ASTN2: variants seen among roughly 807,000 people sequenced by gnomAD.
ASTN2 encodes the protein astrotactin 2.
A neutral mutation model predicts 139.8 loss-of-function variants in ASTN2; 54 were observed. The ratio of observed to expected loss-of-function variants is 0.39; its 90% CI spans 0.31 to 0.48. The LOEUF (loss-of-function observed/expected upper bound fraction) is 0.48. Ranked by LOEUF, ASTN2 falls within the 20% of genes least tolerant of loss-of-function variation. The pLI is 0.95. For missense variants in ASTN2, 1,565 were observed against 1,725.1 expected, an observed-to-expected ratio of 0.91 and a Z score of 1.64; for synonymous variants, 756 against 719.5, an observed-to-expected ratio of 1.05 and a Z score of -0.81.
At chr9:116,713,698 G>T (rs1329897966) in intron 16 of ASTN2, among the ~76,000 whole-genome samples, 2 of 152,112 alleles carry the variant, frequency 1.3e-5, no homozygotes, top group African/African-American at 4.8e-5. Context: ...GAAAGAGAAG[G>T]CATGAGAGAA....
At chr9:117,035,168 T>G (rs1838350864) in intron 6 of ASTN2, among the ~76,000 whole-genome samples, 1 of 152,126 alleles carries the variant, frequency 6.6e-6, no homozygotes, top group African/African-American at 2.4e-5. Context: ...AAAGCTGCTC[T>G]GGCTTTGGTC....
intron 19 of ASTN2, among the ~76,000 whole-genome samples, chr9:116,556,373 A>G (rs1419411688): frequency 1.3e-5 from 2 of 152,164 alleles, no homozygotes; most frequent in Non-Finnish European, 2.9e-5. Context: ...ATGGTAGCTC[A>G]TCCCAGCCCT....
At chr9:117,178,859 G>A (rs150667141) in intron 3 of ASTN2, among the ~76,000 whole-genome samples, 1 of 152,206 alleles carries the variant, frequency 6.6e-6, no homozygotes, top group Non-Finnish European at 1.5e-5. Context: ...TGCAGCCAGG[G>A]TGTTCCTGGG....
chr9:116,928,060 C>CT (rs149905866), intron 10 of ASTN2, among the ~76,000 whole-genome samples: 3,099 of 152,302 alleles, frequency 0.02, 124 homozygotes, highest in African/African-American at 0.071. Flanking sequence ...CTTGACTCAG[C>CT]TTCCCTCCCT....
At chr9:116,605,659 G>A (rs7029083) in intron 19 of ASTN2, among the ~76,000 whole-genome samples, 66,723 of 151,748 alleles carry the variant, frequency 0.44, 15,469 homozygotes, top group East Asian at 0.7. Context: ...AGACAAAGAA[G>A]TGGGAAGCCT....
rs1289327123 is a variant in ASTN2 at position 116,827,311 on chromosome 9, C to G, written c.2041-6528G>C. On this transcript the variant is annotated intron_variant, in intron 11 of 22. Coordinates refer to ENST00000313400, the MANE Select transcript of ASTN2 (RefSeq NM_001365068.1). ...GCAACAAGAGCAAAACTCCATCCCC[C>G]CCAAAAAAAAAAAAAAAAAAAAGAA... Among the ~76,000 whole-genome samples the G allele has an allele frequency of 6.0e-5, 5 of 82,942 alleles. No individual in the cohort carries two copies. In the South Asian group the frequency reaches 1.4e-3, roughly 23 times the overall value. The allele number at this position is 82,942 out of a possible 152,430, so 54.4% of individuals were successfully genotyped here.
At chr9:117,288,400 G>C (rs1015276048) in intron 2 of ASTN2, among the ~76,000 whole-genome samples, 1 of 152,146 alleles carries the variant, frequency 6.6e-6, no homozygotes, top group Non-Finnish European at 1.5e-5. Flanking sequence ...GGAGTGCATA[G>C]ACCCTAGCCT....
At chr9:117,396,134 C>G (rs1377503078) in intron 1 of ASTN2, among the ~76,000 whole-genome samples, 1 of 152,192 alleles carries the variant, frequency 6.6e-6, no homozygotes, top group Non-Finnish European at 1.5e-5. Context: ...TCAGGAGTTC[C>G]TGGCTCATCT....
chr9:117,026,492 G>A (rs569589780), intron 6 of ASTN2, among the ~76,000 whole-genome samples: 3 of 152,198 alleles, frequency 2.0e-5, no homozygotes, highest in East Asian at 3.9e-4. Flanking sequence ...ATCCCAGGTG[G>A]CAGATGCCAC....
At chr9:117,111,745 A>C (rs138993170) in intron 4 of ASTN2, among the ~76,000 whole-genome samples, 202 of 152,274 alleles carry the variant, frequency 1.3e-3, no homozygotes, top group African/African-American at 4.4e-3. Context: ...AAAGAGTTGC[A>C]CATCATAGTC....
At position 117,324,321 on chromosome 9, in the gene ASTN2, C is replaced by T. The variant is rs117546145; in HGVS notation, c.443-32808G>A. Among the ~76,000 whole-genome samples, 770 of 152,236 alleles carry T rather than the reference C, an allele frequency of 5.1e-3. 4 individuals carry two copies. The highest frequency in any genetic ancestry group is 0.02 in the South Asian group (94 of 4,820). ...TTCTCACACTGCTATAAAGATATTACGTGAGACTGGGTAATTTGTAGACAA... is the reference window on the plus strand; with the variant it reads ...TTCTCACACTGCTATAAAGATATTATGTGAGACTGGGTAATTTGTAGACAA... On this transcript the variant is annotated intron_variant, in intron 1 of 22. Coordinates refer to ENST00000313400, the MANE Select transcript of ASTN2 (RefSeq NM_001365068.1).
chr9:116,525,339 G>A (rs1851045812), intron 19 of ASTN2, among the ~76,000 whole-genome samples: 1 of 152,206 alleles, frequency 6.6e-6, no homozygotes, highest in Non-Finnish European at 1.5e-5. Context: ...ATGTGCTGTA[G>A]ATCATGCTCC....
At chr9:117,311,230 AAAAAAAAAAAAAAAAAGCTACTTTACGAG>A (rs964877437) in intron 1 of ASTN2, among the ~76,000 whole-genome samples, 12 of 698 alleles carry the variant, frequency 0.017, no homozygotes, top group African/African-American at 0.11. Flanking sequence ...AGGCTTACAG[AAAAAAAAAAAAAAAAAGCTACTTTACGAG>A]AAGACATGAG....
At chr9:116,493,368 T>C (rs1027956394) in intron 19 of ASTN2, among the ~76,000 whole-genome samples, 1 of 152,198 alleles carries the variant, frequency 6.6e-6, no homozygotes, top group Non-Finnish European at 1.5e-5. Flanking sequence ...TGAAAACAGA[T>C]AGGGAGTTGG....
At chr9:117,019,135 C>T (rs551050669) in intron 6 of ASTN2, among the ~76,000 whole-genome samples, 1 of 151,730 alleles carries the variant, frequency 6.6e-6, no homozygotes, top group Non-Finnish European at 1.5e-5. Context: ...CTGAGCTTCT[C>T]ATGGTGGTAG....
chr9:116,812,072 T>C (rs1831181686), intron 12 of ASTN2, among the ~76,000 whole-genome samples: 1 of 152,206 alleles, frequency 6.6e-6, no homozygotes, highest in Admixed American at 6.5e-5. Context: ...TGTGTGTGTC[T>C]CTGAGTGTGT....
intron 3 of ASTN2, among the ~76,000 whole-genome samples, chr9:117,203,578 T>C (rs1287065243): frequency 6.6e-6 from 1 of 152,106 alleles, no homozygotes; most frequent in East Asian, 1.9e-4. Context: ...TGCTTTCTGC[T>C]TGTTTGTTTT....
intron 17 of ASTN2, among the ~76,000 whole-genome samples, chr9:116,649,388 C>T (rs753075538): frequency 1.3e-5 from 2 of 151,910 alleles, no homozygotes; most frequent in Non-Finnish European, 2.9e-5. Context: ...GCCTGACCAA[C>T]ATGGTGAAAC....
intron 1 of ASTN2, among the ~76,000 whole-genome samples, chr9:117,318,343 A>T (rs1176298043): frequency 1.3e-5 from 2 of 152,174 alleles, no homozygotes; most frequent in Admixed American, 6.5e-5. Flanking sequence ...ACATTTAAAA[A>T]ATGTTAGGTA....
Sources: gnomAD v4.1 joint callset for allele counts (sites outside exome capture counted in the v4.1 genomes callset) on GRCh38, gnomAD v4.1.1 for gene constraint, MANE v1.5 for transcripts, NCBI Gene and HGNC (gene_info 2026-07-23, HGNC 2026-07-21) for gene names.